Variants in ROBO2 observed in about 807,000 individuals in gnomAD.
ROBO2 encodes the protein roundabout guidance receptor 2.
ROBO2 carries 53 observed loss-of-function variants against 160.8 expected under a neutral mutation model. That is an observed-to-expected ratio of 0.33 (90% CI 0.26 to 0.41). The LOEUF is 0.41. Among genes scored for constraint, ROBO2 ranks in the 10% least tolerant of loss-of-function variants. ROBO2 has a pLI of 1.00. For synonymous variants in ROBO2, 664 were observed against 611.7 expected (o/e 1.09, Z -1.26); for missense variants, 1,577 against 1,722.4 (o/e 0.92, Z 1.49).
At chr3:76,528,893 C>T (rs545523189) in intron 2 of ROBO2, among the ~76,000 whole-genome samples, 10 of 151,930 alleles carry the variant, frequency 6.6e-5, no homozygotes, top group South Asian at 2.1e-4. Context: ...GTCCTTGAAG[C>T]GAAACGAAAA....
chr3:77,510,601 CT>C (rs1456753540), intron 5 of ROBO2, among the ~76,000 whole-genome samples: 2 of 152,004 alleles, frequency 1.3e-5, no homozygotes, highest in African/African-American at 4.8e-5. Context: ...TACTATGTGC[CT>C]TGTGCAAATC....
intron 2 of ROBO2, among the ~76,000 whole-genome samples, chr3:76,408,441 C>G (rs1227530037): frequency 1.3e-5 from 2 of 151,970 alleles, no homozygotes; most frequent in African/African-American, 4.8e-5. Flanking sequence ...AGATTTTGTT[C>G]AAGAATAGTG....
exon 26 of ROBO2, chr3:77,646,144 T>C (rs1178437995): frequency 1.5e-5 from 13 of 895,494 alleles, no homozygotes; most frequent in South Asian, 5.5e-5. Flanking sequence ...CAATGAACAA[T>C]TTATTTATGT....
At chr3:77,130,211 C>T (rs1323838434) in intron 2 of ROBO2, among the ~76,000 whole-genome samples, 1 of 152,090 alleles carries the variant, frequency 6.6e-6, no homozygotes, top group African/African-American at 2.4e-5. Flanking sequence ...GGCCACTGCA[C>T]TCCTCATCTT....
At chr3:77,086,350 C>A (rs1242247224) in intron 1 of ROBO2, among the ~76,000 whole-genome samples, 1 of 152,066 alleles carries the variant, frequency 6.6e-6, no homozygotes, top group East Asian at 1.9e-4. Flanking sequence ...ACTGATACTG[C>A]TATGTTTTAT....
intron 2 of ROBO2, among the ~76,000 whole-genome samples, chr3:76,822,726 A>G (rs1057155019): frequency 1.3e-5 from 2 of 148,626 alleles, no homozygotes; most frequent in African/African-American, 4.9e-5. Flanking sequence ...ATTATGAATT[A>G]AAAAAAAAAG....
intron 2 of ROBO2, among the ~76,000 whole-genome samples, chr3:76,096,120 A>C (rs1391681062): frequency 6.6e-6 from 1 of 152,154 alleles, no homozygotes; most frequent in Non-Finnish European, 1.5e-5. Flanking sequence ...TGTGCAGTGC[A>C]TGTCATAGGC....
chr3:77,278,115 C>T (rs1440054462), intron 2 of ROBO2, among the ~76,000 whole-genome samples: 2 of 152,078 alleles, frequency 1.3e-5, no homozygotes, highest in East Asian at 1.9e-4. Flanking sequence ...AAGCTAGCCC[C>T]CTCCTCTCTA....
At chr3:77,077,734 T>C (rs1243843440) in intron 1 of ROBO2, among the ~76,000 whole-genome samples, 2 of 152,214 alleles carry the variant, frequency 1.3e-5, no homozygotes, top group Admixed American at 1.3e-4. Context: ...CACACAGGTA[T>C]GTTCTTATCC....
intron 2 of ROBO2, among the ~76,000 whole-genome samples, chr3:76,933,346 T>G (rs1252359727): frequency 2.0e-5 from 3 of 152,186 alleles, no homozygotes; most frequent in Non-Finnish European, 2.9e-5. Context: ...ATCTAATTAC[T>G]TCAGCAAATT....
intron 2 of ROBO2, among the ~76,000 whole-genome samples, chr3:77,257,331 G>C (rs2058485639): frequency 6.6e-6 from 1 of 152,140 alleles, no homozygotes; most frequent in African/African-American, 2.4e-5. Context: ...GGCCCAGTGA[G>C]TGCTTTTTAT....
intron 2 of ROBO2, among the ~76,000 whole-genome samples, chr3:76,095,749 GACACACACAC>G (rs59290141): frequency 0.19 from 28,385 of 147,952 alleles, 2,955 homozygotes; most frequent in South Asian, 0.43. Context: ...TAGTATGCTT[GACACACACAC>G]ACACACACAC....
Position 77,607,791 on chromosome 3 carries a change from C to T in ROBO2, c.3137-7C>T. ...GCATCTCTGAATAAATACGTTATTA[C>T]TTTCAGGTGGGAAAGGTGGAAAAAA... is the stretch of plus-strand genomic sequence containing the variant. On this transcript the variant is annotated splice_polypyrimidine_tract_variant and splice_region_variant and intron_variant, in intron 20 of 25. Transcript: ENST00000461745. 4 of 1,612,792 alleles carry T rather than the reference C, an allele frequency of 2.5e-6. No homozygotes were observed. The highest frequency in any genetic ancestry group is 3.4e-6 in the Non-Finnish European group (4 of 1,178,928).
At chr3:77,109,295 A>G (rs1287927943) in intron 2 of ROBO2, among the ~76,000 whole-genome samples, 1 of 152,240 alleles carries the variant, frequency 6.6e-6, no homozygotes, top group East Asian at 1.9e-4. Flanking sequence ...GAGATCTGTT[A>G]CACAACAGTG....
At chr3:77,246,555 C>T (rs2089753234) in intron 2 of ROBO2, among the ~76,000 whole-genome samples, 2 of 152,108 alleles carry the variant, frequency 1.3e-5, no homozygotes, top group Admixed American at 6.5e-5. Flanking sequence ...CAAAGAGAAA[C>T]ATGAGACTTC....
At chr3:76,304,783 T>TTTCC (rs1491384029) in intron 2 of ROBO2, among the ~76,000 whole-genome samples, 1 of 150,350 alleles carries the variant, frequency 6.7e-6, no homozygotes, top group African/African-American at 2.4e-5. Context: ...TCTTTCTTTC[T>TTTCC]TTCTTTCTTT....
intron 2 of ROBO2, among the ~76,000 whole-genome samples, chr3:76,290,286 C>A (rs1464519208): frequency 2.0e-5 from 3 of 151,926 alleles, no homozygotes; most frequent in Non-Finnish European, 2.9e-5. Context: ...GTATTTTATT[C>A]TTTTTGTGGC....
chr3:76,144,014 G>A (rs1345935915), intron 2 of ROBO2, among the ~76,000 whole-genome samples: 1 of 151,796 alleles, frequency 6.6e-6, no homozygotes, highest in Middle Eastern at 3.2e-3. Flanking sequence ...CTACACTGTG[G>A]AGGACAATCA....
chr3:77,059,794 A>G (rs1338240219), intron 1 of ROBO2, among the ~76,000 whole-genome samples: 3 of 152,122 alleles, frequency 2.0e-5, no homozygotes, highest in African/African-American at 4.8e-5. Context: ...TGTAAAACTC[A>G]TACGTCATGA....
Sources: allele counts gnomAD v4.1 joint callset (sites outside exome capture counted in the v4.1 genomes callset), GRCh38; gene constraint gnomAD v4.1.1; transcripts MANE v1.5; gene names NCBI Gene and HGNC (gene_info 2026-07-23, HGNC 2026-07-21).